Variants in LDB2 observed in about 807,000 individuals in gnomAD.
LDB2 encodes the protein LIM domain-binding protein 2.
In LDB2, 12 loss-of-function variants were observed where a neutral mutation model predicts 44.3. The ratio of observed to expected loss-of-function variants is 0.27; its 90% CI spans 0.17 to 0.44. The LOEUF (loss-of-function observed/expected upper bound fraction) is 0.44. LDB2 is among the 20% of genes least tolerant of loss of function. LDB2 has a pLI of 1.00. For synonymous variants in LDB2, 164 were observed against 174.8 expected (o/e 0.94, Z 0.49); for missense variants, 344 against 473.5 (o/e 0.73, Z 2.54).
chr4:16,826,473 C>T (rs1285001404), intron 1 of LDB2: 2 of 152,140 alleles, frequency 1.3e-5, no homozygotes, highest in Non-Finnish European at 2.9e-5. Context: ...TGTGTAAATC[C>T]TGAAATTTCT....
At chr4:16,507,803 A>T (rs536746780) in intron 7 of LDB2, among the ~76,000 whole-genome samples, 1 of 152,302 alleles carries the variant, frequency 6.6e-6, no homozygotes, top group African/African-American at 2.4e-5. Flanking sequence ...GGAGGGAATT[A>T]GGCAGAAGGG....
chr4:16,703,388 T>C (rs909271163), intron 2 of LDB2, among the ~76,000 whole-genome samples: 1 of 152,206 alleles, frequency 6.6e-6, no homozygotes, highest in African/African-American at 2.4e-5. Context: ...GTGTGTAAGG[T>C]AGACAGAGAG....
intron 2 of LDB2, among the ~76,000 whole-genome samples, chr4:16,703,495 T>C (rs1053873524): frequency 4.6e-5 from 7 of 152,326 alleles, no homozygotes; most frequent in Non-Finnish European, 2.9e-5. Flanking sequence ...TAGAGAGCAG[T>C]TGGACATATG....
intron 2 of LDB2, among the ~76,000 whole-genome samples, chr4:16,653,035 A>T (rs548251690): frequency 2.0e-5 from 3 of 152,306 alleles, no homozygotes; most frequent in African/African-American, 7.2e-5. Flanking sequence ...CAGAGTGTTT[A>T]GGAACGCTGC....
chr4:16,682,238 T>C (rs1243291958), intron 2 of LDB2, among the ~76,000 whole-genome samples: 6 of 151,978 alleles, frequency 3.9e-5, no homozygotes, highest in African/African-American at 9.7e-5. Flanking sequence ...AGTCAAAAAG[T>C]AACTAGTTAA....
chr4:16,826,187 T>C (rs1783039776), intron 1 of LDB2, among the ~76,000 whole-genome samples: 1 of 152,142 alleles, frequency 6.6e-6, no homozygotes, highest in South Asian at 2.1e-4. Context: ...ATAGATTAGA[T>C]AGATGAGATA....
intron 1 of LDB2, among the ~76,000 whole-genome samples, chr4:16,857,965 T>C (rs983950822): frequency 6.9e-6 from 1 of 144,926 alleles, no homozygotes; most frequent in African/African-American, 2.5e-5. Flanking sequence ...GGTTGTTCAA[T>C]AAATATATTG....
At chr4:16,614,863 G>A (rs1189582737) in intron 2 of LDB2, among the ~76,000 whole-genome samples, 1 of 150,842 alleles carries the variant, frequency 6.6e-6, no homozygotes, top group Non-Finnish European at 1.5e-5. Context: ...GAGGTCAGGA[G>A]ATCGAGACCA....
intron 2 of LDB2, among the ~76,000 whole-genome samples, chr4:16,607,191 C>G (rs113820815): frequency 5.2e-4 from 79 of 152,324 alleles, no homozygotes; most frequent in African/African-American, 1.6e-3. Flanking sequence ...AACTGGCTCT[C>G]CCCCACACCC....
At chr4:16,815,471 T>C (rs756528674) in intron 1 of LDB2, among the ~76,000 whole-genome samples, 1 of 152,240 alleles carries the variant, frequency 6.6e-6, no homozygotes, top group Non-Finnish European at 1.5e-5. Context: ...CACTTCCATC[T>C]AAGGTTATGT....
At chr4:16,661,062 A>G (rs1345543471) in intron 2 of LDB2, among the ~76,000 whole-genome samples, 2 of 152,064 alleles carry the variant, frequency 1.3e-5, no homozygotes, top group Non-Finnish European at 2.9e-5. Flanking sequence ...GTTCTTTCCA[A>G]TCGTTTTTCT....
chr4:16,567,959 A>G (rs1211633219), intron 5 of LDB2, among the ~76,000 whole-genome samples: 2 of 152,182 alleles, frequency 1.3e-5, no homozygotes, highest in African/African-American at 4.8e-5. Context: ...CTATTATAAT[A>G]CTGATTAGGA....
chr4:16,743,333 T>G (rs989703352), intron 2 of LDB2, among the ~76,000 whole-genome samples: 1 of 152,226 alleles, frequency 6.6e-6, no homozygotes, highest in African/African-American at 2.4e-5. Flanking sequence ...AATATAATTA[T>G]GTATCTGCCT....
intron 2 of LDB2, among the ~76,000 whole-genome samples, chr4:16,678,133 G>A (rs1746814071): frequency 6.6e-6 from 1 of 152,138 alleles, no homozygotes; most frequent in Non-Finnish European, 1.5e-5. Context: ...GAAGCACCAA[G>A]GACAGACTGG....
At chr4:16,752,471 A>G (rs186922310) in intron 2 of LDB2, 2 of 450,964 alleles carry the variant, frequency 4.4e-6, no homozygotes, top group Admixed American at 4.8e-5. Flanking sequence ...GTATAGAAAG[A>G]AGACAAGTCT....
At chr4:16,798,592 G>C (rs999184064) in intron 1 of LDB2, among the ~76,000 whole-genome samples, 3 of 152,132 alleles carry the variant, frequency 2.0e-5, no homozygotes, top group Non-Finnish European at 4.4e-5. Context: ...TGCTAAAGCT[G>C]AAAATGCCCC....
At chr4:16,813,172 G>C (rs1435977251) in intron 1 of LDB2, among the ~76,000 whole-genome samples, 1 of 152,038 alleles carries the variant, frequency 6.6e-6, no homozygotes, top group African/African-American at 2.4e-5. Flanking sequence ...TTTCAGTAGA[G>C]ATGGGGTTTC....
chr4:16,710,357 A>C lies in LDB2; in HGVS notation c.235+48801T>G, dbSNP rs568416660. ...AGAAAAATGCCTTGTTTGACAGTCA[A>C]ATCAACCGACAGCTTTAAAACGTGG... is the stretch of plus-strand genomic sequence containing the variant. On this transcript the variant is annotated intron_variant, in intron 2 of 7. Transcript: ENST00000304523. Among the ~76,000 whole-genome samples the C allele has an allele frequency of 3.3e-5, 5 of 152,286 alleles. No individual in the cohort carries two copies. The East Asian group carries it at 9.6e-4, about 29-fold the overall frequency.
In LDB2 at chr4:16,694,533, C is replaced by T. The variant is rs1213624620; in HGVS notation, c.235+64625G>A. On this transcript the variant is annotated intron_variant, in intron 2 of 7. Transcript: ENST00000304523. ...GACTAAATTAGGCATCTGAATTCTC[C>T]CTGTCTGGGGAATGTCTACCGAGGT... Among the ~76,000 whole-genome samples, 3 of 152,190 alleles carry T rather than the reference C, an allele frequency of 2.0e-5. No homozygotes were observed. In the South Asian group the frequency reaches 6.2e-4, roughly 32 times the overall value.
Sources: allele counts gnomAD v4.1 joint callset (sites outside exome capture counted in the v4.1 genomes callset), GRCh38; gene constraint gnomAD v4.1.1; transcripts MANE v1.5; gene names NCBI Gene and HGNC (gene_info 2026-07-23, HGNC 2026-07-21).